Variants in LARP4B observed in about 807,000 individuals in gnomAD.
LARP4B encodes the protein La ribonucleoprotein 4B.
A neutral mutation model predicts 89.8 loss-of-function variants in LARP4B; 12 were observed. The observed-to-expected ratio is 0.13, with a 90% CI of 0.09 to 0.22. The LOEUF is 0.22. LARP4B is among the 10% of genes least tolerant of loss of function. The pLI is 1.00. For missense variants in LARP4B, 757 were observed against 947.7 expected (o/e 0.80, Z 2.64); for synonymous variants, 367 against 363.3 (o/e 1.01, Z -0.12).
the LARP4B span, chr10:973,006 C>A: frequency 2.6e-6 from 1 of 391,324 alleles, no homozygotes; most frequent in Non-Finnish European, 5.1e-6. Context: ...GTGGGTGGGA[C>A]AAAGAGGCAA....
At chr10:885,126 G>C (rs969894902) in intron 2 of LARP4B, among the ~76,000 whole-genome samples, 5 of 152,094 alleles carry the variant, frequency 3.3e-5, no homozygotes, top group Non-Finnish European at 7.4e-5. Flanking sequence ...CTTCTCCCTT[G>C]AAGCAGGCCA....
At chr10:957,293 G>A in the LARP4B span, among the ~76,000 whole-genome samples, 1 of 152,154 alleles carries the variant, frequency 6.6e-6, no homozygotes, top group Admixed American at 6.5e-5. Flanking sequence ...CTCCCGAGTA[G>A]CTGGGATTAC....
intron 1 of LARP4B, among the ~76,000 whole-genome samples, chr10:916,622 G>A (rs1377770775): frequency 6.6e-6 from 1 of 152,220 alleles, no homozygotes; most frequent in Admixed American, 6.5e-5. Flanking sequence ...TTGAATCTGT[G>A]AGGTGGAGGT....
At chr10:849,087 G>A (rs373419506) in intron 5 of LARP4B, among the ~76,000 whole-genome samples, 3 of 152,120 alleles carry the variant, frequency 2.0e-5, no homozygotes, top group African/African-American at 7.2e-5. Flanking sequence ...GGTAGACTGT[G>A]TTAGCCGGAG....
chr10:851,537 T>C (rs980284558), intron 5 of LARP4B, among the ~76,000 whole-genome samples: 1 of 152,224 alleles, frequency 6.6e-6, no homozygotes, highest in East Asian at 1.9e-4. Flanking sequence ...CCCAGACTGA[T>C]TGGGATTATA....
chr10:965,667 G>T, the LARP4B span, among the ~76,000 whole-genome samples: 2 of 151,546 alleles, frequency 1.3e-5, no homozygotes, highest in African/African-American at 4.9e-5. Context: ...TTGTTTATGC[G>T]CCAAGTCGTT....
chr10:975,442 G>T, the LARP4B span, among the ~76,000 whole-genome samples: 26 of 152,220 alleles, frequency 1.7e-4, no homozygotes, highest in African/African-American at 6.3e-4. Context: ...TGTACTCCTA[G>T]AATTTCTTCT....
intron 1 of LARP4B, among the ~76,000 whole-genome samples, chr10:915,413 T>A (rs1354817708): frequency 6.7e-6 from 1 of 150,274 alleles, no homozygotes; most frequent in African/African-American, 2.4e-5. Flanking sequence ...TGCTCACCTT[T>A]TGAATAAGCT....
intron 3 of LARP4B, among the ~76,000 whole-genome samples, chr10:864,826 GCC>G: frequency 6.6e-6 from 1 of 152,126 alleles, no homozygotes; most frequent in African/African-American, 2.4e-5. Context: ...GGTGGCGCAT[GCC>G]TGTAATCCCA....
intron 1 of LARP4B, among the ~76,000 whole-genome samples, chr10:924,029 T>C (rs572212502): frequency 7.9e-5 from 12 of 152,198 alleles, no homozygotes; most frequent in African/African-American, 2.4e-4. Context: ...AACCCAGGAA[T>C]TCGAGACCAG....
intron 1 of LARP4B, among the ~76,000 whole-genome samples, chr10:900,407 G>T: frequency 7.6e-6 from 1 of 131,644 alleles, no homozygotes; most frequent in Non-Finnish European, 1.6e-5. Flanking sequence ...TCTAGGATCG[G>T]AAAGAAGGAT....
chr10:915,764 C>T (rs185252600), intron 1 of LARP4B, among the ~76,000 whole-genome samples: 1,498 of 142,326 alleles, frequency 0.011, 20 homozygotes, highest in African/African-American at 0.035. Context: ...ACCCAGGAGG[C>T]GGAGGTTGCA....
intron 1 of LARP4B, among the ~76,000 whole-genome samples, chr10:899,909 G>GA (rs1564437016): frequency 6.6e-6 from 1 of 151,056 alleles, no homozygotes; most frequent in African/African-American, 2.4e-5. Context: ...GAATCAATTA[G>GA]AAAAAATCAA....
chr10:833,249 T>TAAAAAAAAAAAAAAAAAAAAAAAAAAAAA (rs56788542), intron 8 of LARP4B, among the ~76,000 whole-genome samples: 1 of 52,038 alleles, frequency 1.9e-5, no homozygotes. Context: ...TGATGAGCTT[T>TAAAAAAAAAAAAAAAAAAAAAAAAAAAAA]AAAAAAAAAA....
intron 1 of LARP4B, among the ~76,000 whole-genome samples, chr10:908,413 T>C (rs770956828): frequency 6.6e-6 from 1 of 152,114 alleles, no homozygotes; most frequent in African/African-American, 2.4e-5. Flanking sequence ...CTTGTGTGAG[T>C]CTGTCAAGCA....
Position 817,660 on chromosome 10 carries a change from C to T in LARP4B, c.1695+65G>A, listed in dbSNP as rs900804343. ...AACATGTATAAAGAGCTCAGCAAAG[C>T]GCCTGACACGGAACCCGTACCTAGA... On this transcript the variant is annotated intron_variant, in intron 15 of 17. Transcript: ENST00000316157. 6.7e-5 allele frequency: 99 copies of T among 1,475,866 alleles called. No homozygotes were observed. In the Middle Eastern group the frequency reaches 1.1e-3, roughly 16 times the overall value. 91.4% of individuals were successfully genotyped at this position (1,475,866 alleles called of 1,614,324 possible).
chr10:917,886 G>T (rs1244905781), intron 1 of LARP4B, among the ~76,000 whole-genome samples: 1 of 152,130 alleles, frequency 6.6e-6, no homozygotes, highest in African/African-American at 2.4e-5. Context: ...AAGTAAGCTG[G>T]TCCTCCTAAG....
the LARP4B span, among the ~76,000 whole-genome samples, chr10:961,631 T>G: frequency 7.4e-6 from 1 of 134,742 alleles, no homozygotes; most frequent in African/African-American, 3.3e-5. Flanking sequence ...CTGCTTCTGA[T>G]GAGGCCTCGG....
intron 5 of LARP4B, among the ~76,000 whole-genome samples, chr10:846,614 A>G (rs577253396): frequency 3.9e-4 from 59 of 152,194 alleles, no homozygotes; most frequent in Non-Finnish European, 7.5e-4. Flanking sequence ...GAGTGAGATC[A>G]AGGAGGACGT....
Sources: allele counts gnomAD v4.1 joint callset (sites outside exome capture counted in the v4.1 genomes callset), GRCh38; gene constraint gnomAD v4.1.1; transcripts MANE v1.5; gene names NCBI Gene and HGNC (gene_info 2026-07-23, HGNC 2026-07-21).